AFF3: variants seen among roughly 807,000 people sequenced by gnomAD.
AFF3 encodes the protein AF4/FMR2 family member 3.
AFF3 carries 32 observed loss-of-function variants against 129.7 expected under a neutral mutation model. That is an observed-to-expected ratio of 0.25 (90% confidence interval 0.19 to 0.33). The LOEUF is 0.33. Ranked by LOEUF, AFF3 falls within the 10% of genes least tolerant of loss-of-function variation. AFF3 has a pLI of 1.00. For synonymous variants in AFF3, 644 were observed against 635.4 expected (o/e 1.01, Z -0.20); for missense variants, 1,373 against 1,592.0 (o/e 0.86, Z 2.34).
chr2:99,925,274 C>A (rs1031677404), intron 7 of AFF3, among the ~76,000 whole-genome samples: 8 of 152,076 alleles, frequency 5.3e-5, no homozygotes, highest in African/African-American at 1.9e-4. Flanking sequence ...TTTGCTCACA[C>A]TGATTTATTA....
chr2:99,969,006 C>G (rs182690256), intron 7 of AFF3, among the ~76,000 whole-genome samples: 27 of 152,302 alleles, frequency 1.8e-4, no homozygotes, highest in African/African-American at 6.0e-4. Context: ...AGAAAGAGCA[C>G]AGCAGGCTCT....
intron 8 of AFF3, among the ~76,000 whole-genome samples, chr2:99,786,553 G>A (rs578018673): frequency 2.0e-4 from 30 of 152,294 alleles, no homozygotes; most frequent in African/African-American, 3.8e-4. Flanking sequence ...GTATGACAGC[G>A]CAATGCAGTA....
chr2:99,768,766 A>G (rs1474940293), intron 8 of AFF3, among the ~76,000 whole-genome samples: 2 of 152,214 alleles, frequency 1.3e-5, no homozygotes, highest in African/African-American at 4.8e-5. Context: ...CACCAGATAC[A>G]CTATTCTGGG....
intron 11 of AFF3, among the ~76,000 whole-genome samples, chr2:99,677,370 G>A (rs949336894): frequency 1.3e-5 from 2 of 151,934 alleles, no homozygotes; most frequent in African/African-American, 2.4e-5. Context: ...GATACTCCAC[G>A]TTAGCACCTC....
chr2:99,883,849 A>G (rs934688525), intron 7 of AFF3, among the ~76,000 whole-genome samples: 15 of 152,246 alleles, frequency 9.9e-5, no homozygotes, highest in African/African-American at 3.6e-4. Context: ...GAAAGGAAGC[A>G]TTATCGTGAA....
intron 4 of AFF3, among the ~76,000 whole-genome samples, chr2:100,042,876 A>G (rs1244531877): frequency 6.6e-6 from 1 of 152,204 alleles, no homozygotes; most frequent in Admixed American, 6.5e-5. Context: ...ATGTTAAAAT[A>G]TTATTTTAGC....
chr2:99,948,567 C>T (rs1264564506), intron 7 of AFF3, among the ~76,000 whole-genome samples: 2 of 152,170 alleles, frequency 1.3e-5, no homozygotes, highest in African/African-American at 4.8e-5. Context: ...CAGCAAGCGC[C>T]TCCATGTAAG....
intron 11 of AFF3, among the ~76,000 whole-genome samples, chr2:99,673,699 C>T (rs1163982567): frequency 6.6e-6 from 1 of 152,176 alleles, no homozygotes; most frequent in African/African-American, 2.4e-5. Flanking sequence ...CAAAGGCTGT[C>T]CCCTAAAATG....
intron 7 of AFF3, among the ~76,000 whole-genome samples, chr2:99,966,129 T>C (rs145674321): frequency 1.4e-4 from 22 of 152,308 alleles, no homozygotes; most frequent in African/African-American, 5.1e-4. Context: ...ATATTGAGTT[T>C]TCCAAACCAC....
chr2:99,616,557 T>C (rs968962936), intron 13 of AFF3, among the ~76,000 whole-genome samples: 1 of 152,088 alleles, frequency 6.6e-6, no homozygotes, highest in African/African-American at 2.4e-5. Flanking sequence ...AGTTTGAGAC[T>C]AGCCTGACCA....
chr2:99,968,253 G>T (rs1031607146), intron 7 of AFF3, among the ~76,000 whole-genome samples: 1 of 152,130 alleles, frequency 6.6e-6, no homozygotes, highest in African/African-American at 2.4e-5. Context: ...CCTCCCACTT[G>T]CTCAACTTGG....
intron 4 of AFF3, among the ~76,000 whole-genome samples, chr2:100,061,445 C>T (rs1300679284): frequency 6.6e-6 from 1 of 151,980 alleles, no homozygotes; most frequent in African/African-American, 2.4e-5. Flanking sequence ...AGGTAAGAAG[C>T]ACTATCTCCA....
chr2:99,931,431 G>C (rs1422686761), intron 7 of AFF3, among the ~76,000 whole-genome samples: 1 of 152,186 alleles, frequency 6.6e-6, no homozygotes, highest in Non-Finnish European at 1.5e-5. Context: ...AGGTATTATT[G>C]ATCGATATGG....
At chr2:99,854,133 T>A (rs1182005927) in intron 7 of AFF3, among the ~76,000 whole-genome samples, 1 of 151,998 alleles carries the variant, frequency 6.6e-6, no homozygotes, top group Non-Finnish European at 1.5e-5. Context: ...TTAAAGGTGA[T>A]GATTAGTTTA....
intron 8 of AFF3, among the ~76,000 whole-genome samples, chr2:99,832,022 G>A (rs945924597): frequency 6.6e-6 from 1 of 152,216 alleles, no homozygotes; most frequent in African/African-American, 2.4e-5. Context: ...ATCTACATTT[G>A]ACGTACTTGC....
intron 7 of AFF3, among the ~76,000 whole-genome samples, chr2:99,900,088 G>C (rs139904296): frequency 3.7e-4 from 56 of 152,302 alleles, no homozygotes; most frequent in African/African-American, 1.2e-3. Context: ...TAAGGCTTGA[G>C]AAGAATTTTA....
At position 99,549,292 on chromosome 2, in the gene AFF3, A is replaced by G. The variant is rs878946650; in HGVS notation, c.*2182T>C. The G allele has an allele frequency of 1.5e-5, 3 of 199,514 alleles. No homozygotes were observed. The highest frequency in any genetic ancestry group is 3.1e-5 in the Non-Finnish European group (3 of 96,610). The allele number at this position is 199,514 out of a possible 1,614,324, so 12.4% of individuals were successfully genotyped here. ...GATGGGATTGTGAACTCTGCCAAAA[A>G]TTAGTGAAAGGGCTGGGTGTGGTGG... On this transcript the variant is annotated 3_prime_UTR_variant, in exon 25 of 25. Transcript: ENST00000672756.
At chr2:99,572,670 T>C (rs1003499775) in intron 18 of AFF3, 3 of 455,778 alleles carry the variant, frequency 6.6e-6, no homozygotes, top group Non-Finnish European at 1.3e-5. Flanking sequence ...CTATCCGATA[T>C]GTCAGCTTGT....
At chr2:99,815,633 TTTTG>T (rs1687163835) in intron 8 of AFF3, among the ~76,000 whole-genome samples, 1 of 152,154 alleles carries the variant, frequency 6.6e-6, no homozygotes, top group Non-Finnish European at 1.5e-5. Context: ...TTCCCTCAGT[TTTTG>T]TTTGAGAAAG....
Sources: gnomAD v4.1 joint callset for allele counts (sites outside exome capture counted in the v4.1 genomes callset) on GRCh38, gnomAD v4.1.1 for gene constraint, MANE v1.5 for transcripts, NCBI Gene and HGNC (gene_info 2026-07-23, HGNC 2026-07-21) for gene names.